CEP112: variants seen among roughly 807,000 people sequenced by gnomAD.
CEP112 encodes centrosomal protein of 112 kDa.
A neutral mutation model predicts 153.0 loss-of-function variants in CEP112; 127 were observed. That is an observed-to-expected ratio of 0.83 (90% CI 0.72 to 0.96). The LOEUF is 0.96. Among genes scored for constraint, CEP112 ranks in the 40% least tolerant of loss-of-function variants. CEP112 has a pLI of 0.00. For synonymous variants in CEP112, 358 were observed against 374.4 expected (o/e 0.96, Z 0.51); for missense variants, 1,089 against 1,101.2 (o/e 0.99, Z 0.16).
intron 16 of CEP112, among the ~76,000 whole-genome samples, chr17:66,013,648 C>T (rs964637926): frequency 3.3e-5 from 5 of 152,062 alleles, no homozygotes; most frequent in Admixed American, 6.5e-5. Context: ...AACACTCCAA[C>T]GAGTGGTGCC....
chr17:66,102,658 T>C (rs369551395), intron 6 of CEP112, among the ~76,000 whole-genome samples: 10 of 151,190 alleles, frequency 6.6e-5, no homozygotes, highest in African/African-American at 2.4e-4. Context: ...ATTAGTCGGG[T>C]GTGGTGGCGG....
chr17:66,027,574 A>C lies in CEP112; in HGVS notation c.1597-14T>G. The C allele has an allele frequency of 8.0e-7, 1 of 1,257,450 alleles. No individual in the cohort carries two copies. The highest frequency in any genetic ancestry group is 1.5e-5 in the South Asian group (1 of 68,294). The allele number at this position is 1,257,450 out of a possible 1,614,324, so 77.9% of individuals were successfully genotyped here. ...ATTTTCTTGATCCTGTGAATGATAA[A>C]TGTTTATATTTATTATACTTTAAAT... On this transcript the variant is annotated splice_polypyrimidine_tract_variant and intron_variant, in intron 15 of 26. Transcript: ENST00000535342.
intron 21 of CEP112, among the ~76,000 whole-genome samples, chr17:65,801,714 T>G (rs1264680544): frequency 6.6e-6 from 1 of 152,212 alleles, no homozygotes; most frequent in Non-Finnish European, 1.5e-5. Flanking sequence ...CTGACCTTCA[T>G]GGTTTCCAAA....
intron 22 of CEP112, among the ~76,000 whole-genome samples, chr17:65,744,030 T>G (rs2051291591): frequency 6.6e-6 from 1 of 152,146 alleles, no homozygotes; most frequent in Non-Finnish European, 1.5e-5. Context: ...CCCAAAGTGT[T>G]GGGATTACAG....
intron 16 of CEP112, among the ~76,000 whole-genome samples, chr17:66,014,042 A>C (rs2064659960): frequency 6.6e-6 from 1 of 152,156 alleles, no homozygotes; most frequent in African/African-American, 2.4e-5. Flanking sequence ...GGACGGGTAC[A>C]CTCACGCTGG....
At chr17:66,020,337 A>G (rs1373657199) in intron 16 of CEP112, among the ~76,000 whole-genome samples, 1 of 122,672 alleles carries the variant, frequency 8.2e-6, no homozygotes, top group Non-Finnish European at 1.8e-5. Flanking sequence ...GAAATTTATT[A>G]TGATTTAAAA....
chr17:66,000,885 G>A (rs2064014726), intron 17 of CEP112, among the ~76,000 whole-genome samples: 1 of 152,228 alleles, frequency 6.6e-6, no homozygotes, highest in Non-Finnish European at 1.5e-5. Flanking sequence ...CCACAACCAT[G>A]CTGATGATGC....
rs575736148 is a variant in CEP112, at chr17:65,695,180, C to G, written c.2608-5962G>C. Among the ~76,000 whole-genome samples, 27 of 152,292 alleles carry G rather than the reference C, an allele frequency of 1.8e-4. No homozygotes were observed. In the South Asian group the frequency reaches 2.7e-3, roughly 15 times the overall value. On this transcript the variant is annotated intron_variant, in intron 23 of 26. Transcript: ENST00000535342. The stretch of plus-strand genomic sequence containing the variant: ...AAAAATGTAAACGACATAAGCAGCT[C>G]CACAAGAACAATGAGCGCACACCGC...
chr17:66,110,584 T>C (rs1449759001), intron 6 of CEP112, among the ~76,000 whole-genome samples: 1 of 151,466 alleles, frequency 6.6e-6, no homozygotes, highest in Non-Finnish European at 1.5e-5. Flanking sequence ...TTCGATCTTA[T>C]ATTAAAAGCA....
At chr17:66,183,367 G>A in intron 1 of CEP112, 60 bp from the exon 2 acceptor site, 1 of 1,170,138 alleles carries the variant, frequency 8.5e-7, no homozygotes, top group Non-Finnish European at 1.2e-6. Flanking sequence ...ACAAAACTCT[G>A]ATGAGAAAGA....
At chr17:65,969,852 T>C (rs917280466) in intron 17 of CEP112, among the ~76,000 whole-genome samples, 1 of 152,186 alleles carries the variant, frequency 6.6e-6, no homozygotes, top group African/African-American at 2.4e-5. Context: ...ATATATAGCA[T>C]GCATGCAAAT....
chr17:65,773,894 A>G (rs7209548), intron 21 of CEP112, among the ~76,000 whole-genome samples: 72,757 of 151,630 alleles, frequency 0.48, 19,136 homozygotes, highest in East Asian at 0.78. Flanking sequence ...AGACCAGCCT[A>G]GCTAACATGG....
At chr17:66,067,108 C>T (rs1487323388) in intron 9 of CEP112, among the ~76,000 whole-genome samples, 3 of 151,364 alleles carry the variant, frequency 2.0e-5, no homozygotes, top group Non-Finnish European at 4.4e-5. Flanking sequence ...CAGTTAGATG[C>T]GTGTGTTTTT....
rs5821568 is a variant in CEP112, at chr17:65,930,855, A to AT, written c.1873-3167dup. The stretch of plus-strand genomic sequence containing the variant: ...CATCATACTATCAGTAGGTCTTTTC[A>AT]TTTTTTTTTTTCATCCAGTCAGTCT... On this transcript the variant is annotated intron_variant, in intron 18 of 26. Coordinates refer to ENST00000535342, the MANE Select transcript of CEP112 (RefSeq NM_001199165.4). 1.4e-3 allele frequency among the ~76,000 whole-genome samples: 205 copies of AT among 147,952 alleles called. 2 individuals carry two copies. The highest frequency in any genetic ancestry group is 4.7e-3 in the African/African-American group (188 of 40,064).
intron 17 of CEP112, among the ~76,000 whole-genome samples, 168 bp downstream of exon 17, chr17:66,005,522 T>G (rs962800707): frequency 1.6e-4 from 25 of 152,096 alleles, no homozygotes; most frequent in Admixed American, 1.6e-3. Flanking sequence ...AAAAAATTAC[T>G]GGCTAGTAAT....
chr17:65,878,405 C>G (rs899095920), intron 20 of CEP112, among the ~76,000 whole-genome samples: 1 of 152,134 alleles, frequency 6.6e-6, no homozygotes, highest in African/African-American at 2.4e-5. Flanking sequence ...TTTTAAAAGT[C>G]TGCTTTTAGT....
rs537743865 is a variant in CEP112 at position 66,176,972 on chromosome 17, C to T, written c.155G>A (p.Gly52Glu). 3.0e-5 allele frequency: 48 copies of T among 1,613,686 alleles called. 1 individual carries two copies. The South Asian group carries it at 5.2e-4, about 17-fold the overall frequency. Residue 52 changes from glycine to glutamate, a missense_variant, in exon 3 of 27, where the codon GGA becomes GAA. Physicochemically the swap from Gly to Glu is moderately conservative, Grantham distance 98. Transcript: ENST00000535342. ...CCTCCCCATTATTCCTGCACCTGTT[C>T]CTGAAGGTTCGCACAGCTTTCTAAT... ...LWIRKLCEPS[G>E]TGAGIMGRKN... is the part of the protein sequence containing the mutation.
Position 65,962,110 on chromosome 17 carries a change from G to T in CEP112, c.1737-512C>A, listed in dbSNP as rs1221049819. Among the ~76,000 whole-genome samples the T allele has an allele frequency of 2.0e-5, 3 of 152,184 alleles. No homozygotes were observed. In the East Asian group the frequency reaches 5.8e-4, roughly 29 times the overall value. On this transcript the variant is annotated intron_variant, in intron 17 of 26. Coordinates refer to ENST00000535342, the MANE Select transcript of CEP112 (RefSeq NM_001199165.4). ...GTAGTTGCTAGGGTCTGAGAGGCTGGGGAAATAGGGAGTGATTGCCAAGGG... is the reference window on the plus strand; with the variant it reads ...GTAGTTGCTAGGGTCTGAGAGGCTGTGGAAATAGGGAGTGATTGCCAAGGG...
At chr17:65,784,308 G>T (rs1228354701) in intron 21 of CEP112, among the ~76,000 whole-genome samples, 10 of 152,182 alleles carry the variant, frequency 6.6e-5, no homozygotes, top group Admixed American at 6.5e-4. Context: ...TTATAAACTT[G>T]CAGGGTCAGA....
Sources: allele counts gnomAD v4.1 joint callset (sites outside exome capture counted in the v4.1 genomes callset), GRCh38; gene constraint gnomAD v4.1.1; transcripts MANE v1.5; gene names NCBI Gene and HGNC (gene_info 2026-07-23, HGNC 2026-07-21).